The following UNC13B variants were observed in gnomAD, a reference collection of about 807,000 sequenced individuals.
UNC13B encodes protein unc-13 homolog B.
Under a neutral mutation model 211.0 loss-of-function variants are expected in UNC13B, and 144 were observed. The ratio of observed to expected loss-of-function variants is 0.68; its 90% CI spans 0.60 to 0.78. The LOEUF (loss-of-function observed/expected upper bound fraction) is 0.78, where lower values mean the gene tolerates loss of function less well. UNC13B is among the 30% of genes least tolerant of loss of function. UNC13B has a pLI of 0.00. For missense variants in UNC13B, 1,777 were observed against 2,002.0 expected (o/e 0.89, Z 2.14); for synonymous variants, 709 against 725.8 (o/e 0.98, Z 0.37).
intron 11 of UNC13B, chr9:35,352,161 T>C (rs1412403280): frequency 8.1e-7 from 1 of 1,232,288 alleles, no homozygotes; most frequent in East Asian, 3.2e-5. Context: ...GAACCCCACG[T>C]GGACAGACCC....
chr9:35,374,621 A>G (rs910892181), intron 13 of UNC13B, among the ~76,000 whole-genome samples: 29 of 152,202 alleles, frequency 1.9e-4, no homozygotes, highest in South Asian at 2.1e-4. Flanking sequence ...CAAGTGCCCT[A>G]CTTGTAGGCC....
At chr9:35,205,106 A>G (rs1330852909) in intron 1 of UNC13B, among the ~76,000 whole-genome samples, 1 of 152,148 alleles carries the variant, frequency 6.6e-6, no homozygotes, top group East Asian at 1.9e-4. Flanking sequence ...AAAAGTGTAT[A>G]GCACCTCACC....
chr9:35,323,698 T>C (rs1451459030), intron 11 of UNC13B, among the ~76,000 whole-genome samples: 1 of 152,196 alleles, frequency 6.6e-6, no homozygotes, highest in Non-Finnish European at 1.5e-5. Context: ...TGGCTGTTCC[T>C]TGAAGCCCTC....
At chr9:35,247,560 T>A (rs1826179646) in intron 6 of UNC13B, among the ~76,000 whole-genome samples, 1 of 152,232 alleles carries the variant, frequency 6.6e-6, no homozygotes, top group Admixed American at 6.5e-5. Flanking sequence ...GTTTTTAGCA[T>A]GAAGGGCTGT....
At chr9:35,201,293 T>C (rs1458300385) in intron 1 of UNC13B, among the ~76,000 whole-genome samples, 3 of 152,196 alleles carry the variant, frequency 2.0e-5, no homozygotes, top group African/African-American at 4.8e-5. Context: ...GGTCTAAAAT[T>C]CTCTGTTTTT....
At chr9:35,232,828 G>T (rs1209267887) in intron 3 of UNC13B, among the ~76,000 whole-genome samples, 1 of 152,162 alleles carries the variant, frequency 6.6e-6, no homozygotes, top group Non-Finnish European at 1.5e-5. Context: ...AAAGCTTAGG[G>T]AGAGAATGTG....
chr9:35,193,735 AT>A (rs1418789030), intron 1 of UNC13B, among the ~76,000 whole-genome samples: 1 of 152,020 alleles, frequency 6.6e-6, no homozygotes, highest in Non-Finnish European at 1.5e-5. Context: ...CAAGAATAAA[AT>A]TTGGTTTTGG....
At chr9:35,273,478 C>A (rs1212485263) in intron 7 of UNC13B, among the ~76,000 whole-genome samples, 1 of 152,164 alleles carries the variant, frequency 6.6e-6, no homozygotes, top group Non-Finnish European at 1.5e-5. Flanking sequence ...TATTCATATT[C>A]CTAGTGTGCA....
chr9:35,262,625 C>A (rs566722467), intron 7 of UNC13B, among the ~76,000 whole-genome samples: 5 of 152,142 alleles, frequency 3.3e-5, no homozygotes, highest in African/African-American at 1.2e-4. Flanking sequence ...GCCTAGTCTT[C>A]TTTAATATAA....
chr9:35,365,206 G>A (rs1833699230), intron 11 of UNC13B, among the ~76,000 whole-genome samples: 1 of 152,192 alleles, frequency 6.6e-6, no homozygotes, highest in South Asian at 2.1e-4. Flanking sequence ...GGTTTGCTTT[G>A]CCTGTGATTT....
chr9:35,175,863 A>AC (rs753016809), intron 1 of UNC13B, among the ~76,000 whole-genome samples: 2 of 112,384 alleles, frequency 1.8e-5, no homozygotes, highest in Admixed American at 2.2e-4. Context: ...CTAAAAATAT[A>AC]TAAAAAAAAA....
intron 1 of UNC13B, among the ~76,000 whole-genome samples, chr9:35,201,673 G>C (rs1049199112): frequency 6.6e-6 from 1 of 152,136 alleles, no homozygotes; most frequent in African/African-American, 2.4e-5. Flanking sequence ...TGTGGGATCG[G>C]TGGTGATATC....
At chr9:35,294,360 G>A (rs1564117881) in intron 7 of UNC13B, among the ~76,000 whole-genome samples, 2 of 151,384 alleles carry the variant, frequency 1.3e-5, no homozygotes, top group African/African-American at 4.9e-5. Flanking sequence ...AGGCTGGAAT[G>A]CAATGGCATG....
chr9:35,311,766 G>A (rs546281839), intron 10 of UNC13B, among the ~76,000 whole-genome samples: 1 of 152,256 alleles, frequency 6.6e-6, no homozygotes, highest in African/African-American at 2.4e-5. Context: ...TGATCTAGAA[G>A]TCAGATTTAA....
At chr9:35,365,082 C>G (rs1833690563) in intron 11 of UNC13B, among the ~76,000 whole-genome samples, 1 of 152,230 alleles carries the variant, frequency 6.6e-6, no homozygotes, top group South Asian at 2.1e-4. Flanking sequence ...GCTTCCTGAC[C>G]TCTCTGTTGA....
At chr9:35,387,975 C>T (rs1835290149) in intron 24 of UNC13B, among the ~76,000 whole-genome samples, 2 of 152,160 alleles carry the variant, frequency 1.3e-5, no homozygotes, top group Admixed American at 1.3e-4. Context: ...GAAAATCTCT[C>T]AGAAGAGGCA....
chr9:35,355,330 C>G (rs1832961104), intron 11 of UNC13B, among the ~76,000 whole-genome samples: 2 of 152,284 alleles, frequency 1.3e-5, no homozygotes, highest in South Asian at 4.1e-4. Context: ...AGATTTTTCT[C>G]TGTGTGCCTT....
At chr9:35,379,153 C>CATGT (rs59683190) in intron 17 of UNC13B, among the ~76,000 whole-genome samples, 9,134 of 152,096 alleles carry the variant, frequency 0.06, 910 homozygotes, top group African/African-American at 0.21. Flanking sequence ...TCAGAAGATT[C>CATGT]AGAAAGGGAT....
At chr9:35,228,320 T>TA (rs778085038) in intron 2 of UNC13B, among the ~76,000 whole-genome samples, 2 of 152,142 alleles carry the variant, frequency 1.3e-5, no homozygotes, top group African/African-American at 2.4e-5. Context: ...AAAGGATAAA[T>TA]ATTGACAATT....
Sources: gnomAD v4.1 joint callset for allele counts (sites outside exome capture counted in the v4.1 genomes callset) on GRCh38, gnomAD v4.1.1 for gene constraint, MANE v1.5 for transcripts, NCBI Gene and HGNC (gene_info 2026-07-23, HGNC 2026-07-21) for gene names.